Variants in GRIK2 observed in about 807,000 individuals in gnomAD.
The protein encoded by GRIK2 is glutamate receptor ionotropic, kainate 2.
GRIK2 carries 32 observed loss-of-function variants against 100.3 expected under a neutral mutation model. That is an observed-to-expected ratio of 0.32 (90% confidence interval 0.24 to 0.43). GRIK2 has a LOEUF of 0.43. Among genes scored for constraint, GRIK2 ranks in the 20% least tolerant of loss-of-function variants. The probability of loss-of-function intolerance (pLI) is 1.00; values close to 1 mark genes in which losing one functional copy is unlikely to be tolerated. For missense variants in GRIK2, 843 were observed against 1,114.9 expected (o/e 0.76, Z 3.47); for synonymous variants, 417 against 389.4 (o/e 1.07, Z -0.83).
At chr6:101,454,395 C>G (rs1391332271) in intron 2 of GRIK2, among the ~76,000 whole-genome samples, 1 of 152,034 alleles carries the variant, frequency 6.6e-6, no homozygotes, top group Non-Finnish European at 1.5e-5. Flanking sequence ...TTATGAGATA[C>G]CAGTGAGAAT....
Position 102,055,452 on chromosome 6 carries a change from G to A in GRIK2, c.2434G>A (p.Ala812Thr). 6.2e-7 allele frequency: 1 copy of A among 1,613,826 alleles called. No individual in the cohort carries two copies. Among genetic ancestry groups the A allele is most frequent in the East Asian group, 2.2e-5 (1 of 44,824 alleles). Residue 812 changes from alanine (A) to threonine (T), a missense_variant, in exon 16 of 17, where the codon GCC becomes ACC. Ala to Thr is a moderately conservative substitution (Grantham distance 58). Transcript: ENST00000369134. ...TTGCCCAGAAGAGGAGAGCAAAGAG[G>A]CCAGTGCCCTGGGGGTTCAGAATAT... is the stretch of plus-strand genomic sequence containing the variant. ...NGCPEEESKE[A>T]SALGVQNIGG...
chr6:102,040,202 A>G (rs564791254), intron 15 of GRIK2, among the ~76,000 whole-genome samples: 52 of 151,684 alleles, frequency 3.4e-4, no homozygotes, highest in African/African-American at 1.3e-3. Context: ...AATGCCCTTT[A>G]ATATGAAGAT....
At chr6:101,889,395 C>A (rs531714744) in intron 11 of GRIK2, among the ~76,000 whole-genome samples, 9 of 151,332 alleles carry the variant, frequency 5.9e-5, no homozygotes, top group Non-Finnish European at 1.2e-4. Context: ...TTTTCTATAT[C>A]TACTTCCAAT....
At chr6:101,838,535 A>G (rs1443008422) in intron 10 of GRIK2, among the ~76,000 whole-genome samples, 2 of 152,240 alleles carry the variant, frequency 1.3e-5, no homozygotes, top group Non-Finnish European at 2.9e-5. Context: ...TTACCTACGT[A>G]TCAATAAGAC....
chr6:101,716,204 T>C (rs1000817440), intron 7 of GRIK2, among the ~76,000 whole-genome samples: 21 of 151,874 alleles, frequency 1.4e-4, no homozygotes, highest in East Asian at 3.9e-4. Flanking sequence ...GAATGGTGTT[T>C]AATTAATAAT....
intron 7 of GRIK2, among the ~76,000 whole-genome samples, chr6:101,700,546 A>T (rs1392676075): frequency 6.6e-6 from 1 of 152,234 alleles, no homozygotes; most frequent in Non-Finnish European, 1.5e-5. Context: ...TTATATAAAG[A>T]TATGTTTGCC....
chr6:102,054,694 G>T (rs536113220), intron 15 of GRIK2, among the ~76,000 whole-genome samples: 1 of 151,900 alleles, frequency 6.6e-6, no homozygotes, highest in Non-Finnish European at 1.5e-5. Context: ...AAGGAACAAC[G>T]CCCCAAATGT....
chr6:101,584,558 A>C (rs970539713), intron 2 of GRIK2, among the ~76,000 whole-genome samples: 1 of 152,052 alleles, frequency 6.6e-6, no homozygotes, highest in Non-Finnish European at 1.5e-5. Context: ...TTTGAGGAAC[A>C]AAATCTAGAA....
intron 7 of GRIK2, among the ~76,000 whole-genome samples, chr6:101,775,867 A>G (rs1056819249): frequency 1.3e-5 from 2 of 151,950 alleles, no homozygotes; most frequent in Admixed American, 1.3e-4. Flanking sequence ...TTTGCCACCC[A>G]GGCTGGAGTG....
intron 14 of GRIK2, among the ~76,000 whole-genome samples, chr6:102,022,245 A>T (rs1381552553): frequency 6.6e-6 from 1 of 151,550 alleles, no homozygotes; most frequent in African/African-American, 2.4e-5. Flanking sequence ...GAGTCCATAA[A>T]TCATGAAAAA....
At chr6:101,839,318 G>A (rs895349285) in intron 10 of GRIK2, among the ~76,000 whole-genome samples, 1 of 152,150 alleles carries the variant, frequency 6.6e-6, no homozygotes, top group Non-Finnish European at 1.5e-5. Context: ...GGTGAAGAAG[G>A]AATGTAAGAT....
chr6:101,561,505 G>C (rs973533894), intron 2 of GRIK2, among the ~76,000 whole-genome samples: 1 of 152,130 alleles, frequency 6.6e-6, no homozygotes, highest in Admixed American at 6.5e-5. Context: ...ATTTATTATA[G>C]ATTTCAAAAT....
intron 14 of GRIK2, among the ~76,000 whole-genome samples, chr6:101,952,944 A>G (rs1033430488): frequency 6.6e-6 from 1 of 152,132 alleles, no homozygotes; most frequent in Non-Finnish European, 1.5e-5. Flanking sequence ...TTCCCCATTT[A>G]CTTAAAATGT....
chr6:101,797,919 G>A (rs1780417173), intron 7 of GRIK2, among the ~76,000 whole-genome samples: 1 of 150,098 alleles, frequency 6.7e-6, no homozygotes, highest in Non-Finnish European at 1.5e-5. Flanking sequence ...CACCATTTAA[G>A]ATGTATTTAA....
chr6:101,929,829 T>C (rs537131926), intron 14 of GRIK2, among the ~76,000 whole-genome samples: 2 of 152,286 alleles, frequency 1.3e-5, no homozygotes, highest in South Asian at 4.1e-4. Flanking sequence ...CTCATATGAC[T>C]AGATTAAGTA....
chr6:101,605,887 G>T (rs1001972206), intron 2 of GRIK2, among the ~76,000 whole-genome samples: 1 of 151,990 alleles, frequency 6.6e-6, no homozygotes, highest in Non-Finnish European at 1.5e-5. Flanking sequence ...TCACAGGGTA[G>T]AAATATAATT....
At chr6:101,913,220 A>G (rs1788871329) in intron 12 of GRIK2, among the ~76,000 whole-genome samples, 1 of 151,598 alleles carries the variant, frequency 6.6e-6, no homozygotes, top group Non-Finnish European at 1.5e-5. Flanking sequence ...ACGGAAGAAC[A>G]GATACATTTT....
At chr6:101,904,351 T>C (rs1788080326) in intron 12 of GRIK2, among the ~76,000 whole-genome samples, 1 of 151,476 alleles carries the variant, frequency 6.6e-6, no homozygotes, top group South Asian at 2.1e-4. Context: ...AACTTGTGTA[T>C]AGATAACAAT....
chr6:101,890,342 G>GT (rs1326894322), intron 12 of GRIK2: 1 of 152,246 alleles, frequency 6.6e-6, no homozygotes. Context: ...AATATTTGTG[G>GT]TTTTTTTCTT....
Sources: allele counts gnomAD v4.1 joint callset (sites outside exome capture counted in the v4.1 genomes callset), GRCh38; gene constraint gnomAD v4.1.1; transcripts MANE v1.5; gene names NCBI Gene and HGNC (gene_info 2026-07-23, HGNC 2026-07-21).